DLG2: variants seen among roughly 807,000 people sequenced by gnomAD.
DLG2 encodes disks large homolog 2.
In DLG2, 45 loss-of-function variants were observed where a neutral mutation model predicts 132.5. The ratio of observed to expected loss-of-function variants is 0.34; its 90% CI spans 0.27 to 0.44. The LOEUF is 0.44. Among genes scored for constraint, DLG2 ranks in the 20% least tolerant of loss-of-function variants. DLG2 has a pLI of 1.00. For missense variants in DLG2, 1,045 were observed against 1,196.9 expected, an observed-to-expected ratio of 0.87 and a Z score of 1.87; for synonymous variants, 424 against 419.6, an observed-to-expected ratio of 1.01 and a Z score of -0.13.
chr11:85,611,229 C>G (rs1328142031), intron 2 of DLG2, among the ~76,000 whole-genome samples: 14 of 152,166 alleles, frequency 9.2e-5, no homozygotes, highest in Non-Finnish European at 1.9e-4. Flanking sequence ...ATCTTAGTGT[C>G]AGAGGCTATC....
At chr11:85,176,802 T>C (rs1428699679) in intron 4 of DLG2, among the ~76,000 whole-genome samples, 2 of 152,074 alleles carry the variant, frequency 1.3e-5, no homozygotes, top group Non-Finnish European at 2.9e-5. Flanking sequence ...GCAAAGGACA[T>C]GAGCAGACAC....
rs375424112 is a variant in DLG2, at chr11:83,986,191, T to G, written c.920-5549A>C. 1.6e-4 allele frequency among the ~76,000 whole-genome samples: 24 copies of G among 151,422 alleles called. No individual in the cohort carries two copies. The East Asian group carries it at 2.7e-3, about 17-fold the overall frequency. On this transcript the variant is annotated intron_variant, in intron 11 of 27. Coordinates refer to ENST00000376104, the MANE Select transcript of DLG2 (RefSeq NM_001142699.3). Reference sequence around the variant, plus strand: ...GTCATTTAGCATTAGGTATATCTCCTAAAGCTATCCCTCCCCCCTCCCCAC... The same window carrying G: ...GTCATTTAGCATTAGGTATATCTCCGAAAGCTATCCCTCCCCCCTCCCCAC...
chr11:84,525,809 C>T (rs2099318532), intron 7 of DLG2, among the ~76,000 whole-genome samples: 1 of 152,176 alleles, frequency 6.6e-6, no homozygotes, highest in African/African-American at 2.4e-5. Context: ...ATGCCCCTTT[C>T]CTTAATTCTT....
intron 7 of DLG2, among the ~76,000 whole-genome samples, chr11:84,348,997 A>G (rs530010581): frequency 6.6e-6 from 1 of 152,316 alleles, no homozygotes; most frequent in East Asian, 1.9e-4. Flanking sequence ...GAGACAAAAC[A>G]TTACCATTGC....
chr11:85,026,530 A>G (rs2154142469), intron 6 of DLG2, among the ~76,000 whole-genome samples: 1 of 152,290 alleles, frequency 6.6e-6, no homozygotes, highest in East Asian at 1.9e-4. Context: ...GAAATATTTT[A>G]ATATTTAAAA....
chr11:84,363,178 C>T (rs372808351), intron 7 of DLG2, among the ~76,000 whole-genome samples: 4 of 151,788 alleles, frequency 2.6e-5, no homozygotes, highest in African/African-American at 4.8e-5. Flanking sequence ...CCTGTTGTTT[C>T]CTGACTTTTT....
intron 6 of DLG2, among the ~76,000 whole-genome samples, chr11:84,978,337 G>A (rs142781730): frequency 0.063 from 9,655 of 152,222 alleles, 527 homozygotes; most frequent in Non-Finnish European, 0.087. Context: ...CCAAAAAAGA[G>A]CCCGCATTGC....
intron 9 of DLG2, among the ~76,000 whole-genome samples, chr11:84,125,125 C>T (rs1318503986): frequency 6.6e-6 from 1 of 152,104 alleles, no homozygotes; most frequent in Admixed American, 6.5e-5. Flanking sequence ...GCTGGGATTA[C>T]AGGTGTGAGC....
chr11:85,471,379 A>C (rs1161438114), intron 3 of DLG2, among the ~76,000 whole-genome samples: 2 of 152,214 alleles, frequency 1.3e-5, no homozygotes, highest in African/African-American at 4.8e-5. Context: ...TAGCCGACCT[A>C]TCAAATGGAA....
chr11:83,786,217 G>A lies in DLG2; in HGVS notation c.1825+473C>T, dbSNP rs184334869. 1.4e-3 allele frequency among the ~76,000 whole-genome samples: 217 copies of A among 152,172 alleles called. 1 individual carries two copies. The highest frequency in any genetic ancestry group is 5.0e-3 in the African/African-American group (207 of 41,508). ...TTACAGTGATTTATTTCAAACAAGG[G>A]ATATTGTAGGAGTAAAGGCAAAAAA... On this transcript the variant is annotated intron_variant, in intron 18 of 27. Transcript: ENST00000376104.
At chr11:85,484,413 C>A (rs1466822143) in intron 3 of DLG2, among the ~76,000 whole-genome samples, 4 of 151,032 alleles carry the variant, frequency 2.6e-5, no homozygotes, top group East Asian at 3.9e-4. Flanking sequence ...AGTGAACAGG[C>A]AACCTACAAA....
At chr11:84,050,208 A>G (rs2096338226) in intron 11 of DLG2, among the ~76,000 whole-genome samples, 1 of 149,530 alleles carries the variant, frequency 6.7e-6, no homozygotes, top group Non-Finnish European at 1.5e-5. Flanking sequence ...GAATTTTTGG[A>G]AGATTGGTAT....
chr11:85,510,403 C>T (rs2094033793), intron 3 of DLG2, among the ~76,000 whole-genome samples: 1 of 151,922 alleles, frequency 6.6e-6, no homozygotes, highest in Non-Finnish European at 1.5e-5. Context: ...TTCTGCACAG[C>T]AAAAGAAACT....
intron 18 of DLG2, among the ~76,000 whole-genome samples, chr11:83,730,409 G>A (rs554890655): frequency 8.5e-5 from 13 of 152,114 alleles, no homozygotes; most frequent in South Asian, 4.2e-4. Context: ...GTGGGAGACC[G>A]GAATATGCCT....
At chr11:84,504,494 A>G (rs1295162139) in intron 7 of DLG2, among the ~76,000 whole-genome samples, 1 of 152,298 alleles carries the variant, frequency 6.6e-6, no homozygotes, top group Admixed American at 6.5e-5. Flanking sequence ...TTACTTATTT[A>G]TCAAAGATAC....
At chr11:85,167,629 G>T (rs748559039) in intron 4 of DLG2, among the ~76,000 whole-genome samples, 14 of 152,048 alleles carry the variant, frequency 9.2e-5, no homozygotes, top group Non-Finnish European at 1.8e-4. Flanking sequence ...ATTACCATTA[G>T]ATCATATCTC....
chr11:85,142,049 C>G (rs1311304365), intron 5 of DLG2, among the ~76,000 whole-genome samples: 1 of 151,666 alleles, frequency 6.6e-6, no homozygotes, highest in Non-Finnish European at 1.5e-5. Context: ...TGGGTCTATA[C>G]TGGTTCCATA....
intron 6 of DLG2, among the ~76,000 whole-genome samples, chr11:84,984,207 T>C (rs766786161): frequency 5.8e-4 from 88 of 152,186 alleles, no homozygotes; most frequent in Non-Finnish European, 1.2e-3. Context: ...CACATTGCCA[T>C]CAGGTTATCT....
chr11:85,057,969 CATTAT>C (rs1204239307), intron 6 of DLG2, among the ~76,000 whole-genome samples: 2 of 151,278 alleles, frequency 1.3e-5, no homozygotes, highest in Admixed American at 1.3e-4. Context: ...ACTTTTGAAA[CATTAT>C]ATTAATGTGA....
Sources: allele counts gnomAD v4.1 joint callset (sites outside exome capture counted in the v4.1 genomes callset), GRCh38; gene constraint gnomAD v4.1.1; transcripts MANE v1.5; gene names NCBI Gene and HGNC (gene_info 2026-07-23, HGNC 2026-07-21).